The following EYS variants were observed in gnomAD, a reference collection of about 807,000 sequenced individuals.
The protein encoded by EYS is protein eyes shut homolog.
In EYS, 250 loss-of-function variants were observed where a neutral mutation model predicts 282.1. The observed-to-expected ratio is 0.89, with a 90% CI of 0.80 to 0.98. The LOEUF (loss-of-function observed/expected upper bound fraction) is 0.98, where lower values mean the gene tolerates loss of function less well. Among genes scored for constraint, EYS ranks in the 50% least tolerant of loss-of-function variants. The probability of loss-of-function intolerance (pLI) is 0.00; values close to 1 mark genes in which losing one functional copy is unlikely to be tolerated. For missense variants in EYS, 4,016 were observed against 3,709.0 expected (o/e 1.08, Z -2.15); for synonymous variants, 1,355 against 1,282.9 (o/e 1.06, Z -1.20).
At chr6:63,975,732 T>G (rs562046923) in intron 35 of EYS, among the ~76,000 whole-genome samples, 222 of 152,128 alleles carry the variant, frequency 1.5e-3, no homozygotes, top group Non-Finnish European at 2.3e-3. Context: ...AGGAGAGTTG[T>G]GTGTTCTTTT....
intron 28 of EYS, among the ~76,000 whole-genome samples, chr6:64,421,829 A>T: frequency 6.6e-6 from 1 of 151,200 alleles, no homozygotes; most frequent in Non-Finnish European, 1.5e-5. Flanking sequence ...AGAGAGAGCG[A>T]GAGAGAGAGA....
chr6:64,675,454 G>A (rs1769623504), intron 22 of EYS, among the ~76,000 whole-genome samples: 1 of 131,316 alleles, frequency 7.6e-6, no homozygotes, highest in South Asian at 2.4e-4. Context: ...TTGAGATGGA[G>A]TCTGGCTCTG....
intron 8 of EYS, among the ~76,000 whole-genome samples, chr6:65,368,678 A>C (rs1765013913): frequency 6.6e-6 from 1 of 151,698 alleles, no homozygotes; most frequent in Non-Finnish European, 1.5e-5. Context: ...AAAATATATC[A>C]TAGAACTAGA....
At chr6:64,179,378 T>A (rs1418656382) in intron 31 of EYS, among the ~76,000 whole-genome samples, 1 of 152,088 alleles carries the variant, frequency 6.6e-6, no homozygotes, top group East Asian at 1.9e-4. Context: ...AATGCCAATT[T>A]TAAATCACAG....
rs145881076 is a variant in EYS, at chr6:64,031,003, G to A, written c.6726-31820C>T. Among the ~76,000 whole-genome samples, 1,182 of 152,336 alleles carry A rather than the reference G, an allele frequency of 7.8e-3. 10 individuals are homozygous for A. The highest frequency in any genetic ancestry group is 0.012 in the Non-Finnish European group (822 of 68,022). ...TTTAGAGGGGGGATTGAGAGGTGAC[G>A]GCGTGTGCCCTCACTTGCTCTTGGC... On this transcript the variant is annotated intron_variant, in intron 33 of 42. Coordinates refer to ENST00000503581, the MANE Select transcript of EYS (RefSeq NM_001142800.2).
At chr6:64,457,096 T>G (rs1775580755) in intron 26 of EYS, among the ~76,000 whole-genome samples, 1 of 152,042 alleles carries the variant, frequency 6.6e-6, no homozygotes, top group Non-Finnish European at 1.5e-5. Flanking sequence ...TTAAGAACAT[T>G]TTAAACTTCC....
intron 22 of EYS, among the ~76,000 whole-genome samples, chr6:64,672,747 A>G (rs1400951478): frequency 1.3e-5 from 2 of 152,138 alleles, no homozygotes; most frequent in Admixed American, 1.3e-4. Flanking sequence ...GTTACAACTA[A>G]TAAATTTCTC....
chr6:65,245,473 T>C (rs1017567968), intron 12 of EYS, among the ~76,000 whole-genome samples: 3 of 152,162 alleles, frequency 2.0e-5, no homozygotes, highest in Non-Finnish European at 2.9e-5. Flanking sequence ...CCCATACATG[T>C]AATTGTATAA....
At chr6:64,077,199 A>G (rs530548624) in intron 32 of EYS, among the ~76,000 whole-genome samples, 1 of 152,140 alleles carries the variant, frequency 6.6e-6, no homozygotes, top group African/African-American at 2.4e-5. Context: ...AAAGAATTTT[A>G]TGGTACACAC....
chr6:64,856,781 T>A (rs553130782), intron 19 of EYS, among the ~76,000 whole-genome samples: 149 of 151,036 alleles, frequency 9.9e-4, no homozygotes, highest in African/African-American at 3.5e-3. Flanking sequence ...CCAACTTATG[T>A]TTTTTTTTCT....
chr6:65,569,953 T>C lies in EYS; in HGVS notation c.-333+69825A>G, dbSNP rs149243786. 8.0e-3 allele frequency among the ~76,000 whole-genome samples: 1,225 copies of C among 152,184 alleles called. 2 individuals carry two copies. The highest frequency in any genetic ancestry group is 0.012 in the Non-Finnish European group (843 of 68,018). On this transcript the variant is annotated intron_variant, in intron 2 of 42. Transcript: ENST00000503581. ...AGCTCAATCTAGGCAGCAGGCAAAATGAACCTGTTGAGTGGTTACACTGAT... is the reference window on the plus strand; with the variant it reads ...AGCTCAATCTAGGCAGCAGGCAAAACGAACCTGTTGAGTGGTTACACTGAT...
intron 29 of EYS, among the ~76,000 whole-genome samples, chr6:64,369,412 A>T (rs1314841418): frequency 6.6e-6 from 1 of 152,130 alleles, no homozygotes; most frequent in Non-Finnish European, 1.5e-5. Context: ...TTGGTTCCAC[A>T]TGAATTTTAA....
intron 26 of EYS, among the ~76,000 whole-genome samples, chr6:64,442,595 G>T (rs1475296608): frequency 6.6e-6 from 1 of 152,044 alleles, no homozygotes; most frequent in Non-Finnish European, 1.5e-5. Context: ...GTGATTTTGT[G>T]GGCCAGGCTA....
At chr6:65,033,901 G>T (rs751190833) in intron 13 of EYS, among the ~76,000 whole-genome samples, 15 of 152,186 alleles carry the variant, frequency 9.9e-5, no homozygotes, top group Admixed American at 1.3e-4. Context: ...TGGAAAAGCT[G>T]CAAGAATTCA....
chr6:64,306,606 A>G (rs1769454372), intron 30 of EYS, among the ~76,000 whole-genome samples: 2 of 152,170 alleles, frequency 1.3e-5, no homozygotes, highest in South Asian at 4.1e-4. Flanking sequence ...TGAGAGTGAT[A>G]ATTTGGAAAA....
At chr6:64,927,440 T>G (rs1375283640) in intron 15 of EYS, among the ~76,000 whole-genome samples, 1 of 152,174 alleles carries the variant, frequency 6.6e-6, no homozygotes, top group African/African-American at 2.4e-5. Flanking sequence ...AGTTATTGAT[T>G]ACTTACGTGA....
intron 29 of EYS, among the ~76,000 whole-genome samples, chr6:64,345,001 A>T (rs924841864): frequency 6.6e-6 from 1 of 152,094 alleles, no homozygotes; most frequent in African/African-American, 2.4e-5. Flanking sequence ...AGGTATGTGA[A>T]GGACCTCTTC....
intron 2 of EYS, among the ~76,000 whole-genome samples, chr6:65,562,440 G>A (rs1289927441): frequency 6.6e-6 from 1 of 151,870 alleles, no homozygotes; most frequent in African/African-American, 2.4e-5. Flanking sequence ...TTAACATAAG[G>A]ACAGAATGGA....
chr6:65,440,520 T>C (rs1030591058), intron 5 of EYS, among the ~76,000 whole-genome samples: 2 of 151,748 alleles, frequency 1.3e-5, no homozygotes, highest in Non-Finnish European at 2.9e-5. Flanking sequence ...TCCCAGAGAA[T>C]AGAGTTTGAG....
Sources: allele counts gnomAD v4.1 joint callset (sites outside exome capture counted in the v4.1 genomes callset), GRCh38; gene constraint gnomAD v4.1.1; transcripts MANE v1.5; gene names NCBI Gene and HGNC (gene_info 2026-07-23, HGNC 2026-07-21).